The following CLEC16A variants were observed in gnomAD, a reference collection of about 807,000 sequenced individuals.
CLEC16A encodes the protein C-type lectin domain containing 16A.
Under a neutral mutation model 109.5 loss-of-function variants are expected in CLEC16A, and 51 were observed. The ratio of observed to expected loss-of-function variants is 0.47; its 90% CI spans 0.37 to 0.59. The LOEUF is 0.59. Ranked by LOEUF, CLEC16A falls within the 20% of genes least tolerant of loss-of-function variation. CLEC16A has a pLI of 0.00. For synonymous variants in CLEC16A, 673 were observed against 564.2 expected (o/e 1.19, Z -2.73); for missense variants, 1,339 against 1,394.0 (o/e 0.96, Z 0.63).
At chr16:11,058,695 G>T (rs1318615015) in intron 18 of CLEC16A, among the ~76,000 whole-genome samples, 1 of 152,132 alleles carries the variant, frequency 6.6e-6, no homozygotes, top group African/African-American at 2.4e-5. Flanking sequence ...CCTATATTGG[G>T]AGCCAAATTC....
At chr16:11,069,185 T>C (rs1425912894) in intron 19 of CLEC16A, among the ~76,000 whole-genome samples, 1 of 151,990 alleles carries the variant, frequency 6.6e-6, no homozygotes, top group Non-Finnish European at 1.5e-5. Flanking sequence ...TGAAGTACAG[T>C]GGTATAATCA....
At chr16:11,123,973 T>C in intron 21 of CLEC16A, 27 bp downstream of exon 21, 1 of 1,567,824 alleles carries the variant, frequency 6.4e-7, no homozygotes, top group Non-Finnish European at 8.6e-7. Context: ...TGGCAGGGCA[T>C]CCTCTGAGCA....
intron 23 of CLEC16A, among the ~76,000 whole-genome samples, chr16:11,169,459 G>A (rs962356118): frequency 1.3e-5 from 2 of 152,086 alleles, no homozygotes; most frequent in African/African-American, 4.8e-5. Context: ...ACTAATTTTT[G>A]TATTTTTAGT....
Position 11,174,328 on chromosome 16 carries a change from G to C in CLEC16A, c.2807-4007G>C. ...GGCCGCGACGTCCACTCGCCACGCT[G>C]CATTTCCACAGTCGGCAGGGTCCGC... On this transcript the variant is annotated intron_variant, in intron 23 of 23. Coordinates refer to ENST00000409790, the MANE Select transcript of CLEC16A (RefSeq NM_015226.3). The surrounding 1 kb of genome is among the most constrained non-coding windows in gnomAD (Gnocchi z 4.7). 1 of 425,768 alleles carries C rather than the reference G, an allele frequency of 2.3e-6. No homozygotes were observed. The highest frequency in any genetic ancestry group is 1.6e-5 in the South Asian group (1 of 62,506). The allele number at this position is 425,768 out of a possible 1,614,324, so 26.4% of individuals were successfully genotyped here. A position where few individuals can be genotyped will look rare whatever the true frequency, so the allele number is the denominator to read the frequency against.
chr16:11,170,572 C>T (rs936653173), intron 23 of CLEC16A, among the ~76,000 whole-genome samples: 3 of 152,216 alleles, frequency 2.0e-5, no homozygotes, highest in African/African-American at 7.2e-5. Flanking sequence ...GTTTTGTGGA[C>T]TTGAGACCTG....
At chr16:11,134,129 C>G (rs2053416350) in intron 22 of CLEC16A, among the ~76,000 whole-genome samples, 1 of 152,036 alleles carries the variant, frequency 6.6e-6, no homozygotes, top group African/African-American at 2.4e-5. Context: ...TGAGTCCCAC[C>G]ACCATGCTGA....
chr16:11,043,996 G>A, intron 15 of CLEC16A, 32 bp from the exon 16 acceptor site: 2 of 1,575,534 alleles, frequency 1.3e-6, no homozygotes, highest in Non-Finnish European at 1.7e-6. Flanking sequence ...TATGAGACCT[G>A]CCTCCTTCAC....
chr16:11,051,309 T>A (rs984781285), intron 17 of CLEC16A, among the ~76,000 whole-genome samples: 1 of 152,134 alleles, frequency 6.6e-6, no homozygotes, highest in African/African-American at 2.4e-5. Flanking sequence ...AAAGGAAAAA[T>A]CTGCAATTTA....
chr16:11,173,805 C>A (rs1005578402), intron 23 of CLEC16A, among the ~76,000 whole-genome samples: 2 of 152,176 alleles, frequency 1.3e-5, no homozygotes, highest in African/African-American at 4.8e-5. Context: ...TTCTTCCGTC[C>A]CCTGAGGCTT....
At chr16:11,152,776 C>T (rs761216131) in intron 22 of CLEC16A, among the ~76,000 whole-genome samples, 51 of 152,176 alleles carry the variant, frequency 3.4e-4, no homozygotes, top group Non-Finnish European at 5.4e-4. Flanking sequence ...CAGGTGGTGA[C>T]GGCATCTTTC....
chr16:11,164,470 G>A (rs2054833610), intron 22 of CLEC16A, among the ~76,000 whole-genome samples: 1 of 152,202 alleles, frequency 6.6e-6, no homozygotes. Flanking sequence ...CCATCTGTAG[G>A]TGAAAGGAAG....
intron 18 of CLEC16A, chr16:11,056,784 A>G (rs1028051933): frequency 2.0e-5 from 3 of 152,234 alleles, no homozygotes; most frequent in African/African-American, 7.2e-5. Context: ...TCATCACCCT[A>G]AACAAACAAT....
At chr16:11,114,605 G>C (rs1426934952) in intron 19 of CLEC16A, among the ~76,000 whole-genome samples, 1 of 152,188 alleles carries the variant, frequency 6.6e-6, no homozygotes, top group African/African-American at 2.4e-5. Context: ...GGTGGGCCGA[G>C]TTGGATTCCA....
chr16:11,069,857 A>G (rs964454806), intron 19 of CLEC16A, among the ~76,000 whole-genome samples: 2 of 152,258 alleles, frequency 1.3e-5, no homozygotes, highest in East Asian at 1.9e-4. Context: ...ATGAGTTATT[A>G]TAAGTAATCT....
intron 19 of CLEC16A, among the ~76,000 whole-genome samples, chr16:11,064,117 T>C (rs1222618675): frequency 6.6e-6 from 1 of 152,240 alleles, no homozygotes; most frequent in Non-Finnish European, 1.5e-5. Flanking sequence ...AGTTTTATTT[T>C]ATCTGCCCTT....
intron 23 of CLEC16A, among the ~76,000 whole-genome samples, chr16:11,170,304 G>C (rs1175318283): frequency 6.6e-6 from 1 of 152,192 alleles, no homozygotes; most frequent in Non-Finnish European, 1.5e-5. Context: ...TGAACCCCTG[G>C]GGGAGGAAGG....
chr16:11,105,922 G>T (rs924380170), intron 19 of CLEC16A, among the ~76,000 whole-genome samples: 5 of 152,202 alleles, frequency 3.3e-5, no homozygotes, highest in Non-Finnish European at 5.9e-5. Flanking sequence ...TGAAGATTCT[G>T]CAGAGTTAAG....
Position 11,039,703 on chromosome 16 carries a change from G to T in CLEC16A, c.1538-51G>T, listed in dbSNP as rs2047213801. 3.2e-6 allele frequency: 5 copies of T among 1,556,126 alleles called. No individual in the cohort carries two copies. The East Asian group carries it at 1.2e-4, about 37-fold the overall frequency. ...ACTCTACAGGACCTTTCGGTATGAG[G>T]AGGTCAGGTAGTCAGGAGGCCTCCA... is the stretch of plus-strand genomic sequence containing the variant. On this transcript the variant is annotated intron_variant, in intron 13 of 23. Coordinates refer to ENST00000409790, the MANE Select transcript of CLEC16A (RefSeq NM_015226.3).
chr16:10,973,899 T>TC, intron 7 of CLEC16A, among the ~76,000 whole-genome samples: 1 of 110,438 alleles, frequency 9.1e-6, no homozygotes, highest in Non-Finnish European at 1.9e-5. Context: ...TTTTTTTTTT[T>TC]TTTTTTTTTT....
Sources: allele counts gnomAD v4.1 joint callset (sites outside exome capture counted in the v4.1 genomes callset), GRCh38; gene constraint gnomAD v4.1.1; non-coding constraint Gnocchi (gnomAD v3.1); transcripts MANE v1.5; gene names NCBI Gene and HGNC (gene_info 2026-07-23, HGNC 2026-07-21).